The following SNX29 variants were observed in gnomAD, a reference collection of about 807,000 sequenced individuals.
SNX29 encodes sorting nexin 29.
SNX29 carries 78 observed loss-of-function variants against 102.1 expected under a neutral mutation model. That is an observed-to-expected ratio of 0.76 (90% CI 0.64 to 0.92). The LOEUF (loss-of-function observed/expected upper bound fraction) is 0.92. Among genes scored for constraint, SNX29 ranks in the 40% least tolerant of loss-of-function variants. SNX29 has a pLI of 0.00. For synonymous variants in SNX29, 580 were observed against 414.5 expected, an observed-to-expected ratio of 1.40 and a Z score of -4.85; for missense variants, 1,280 against 1,061.7, an observed-to-expected ratio of 1.21 and a Z score of -2.86.
intron 13 of SNX29, among the ~76,000 whole-genome samples, chr16:12,144,929 G>A (rs1452702639): frequency 2.0e-5 from 3 of 152,184 alleles, no homozygotes; most frequent in Non-Finnish European, 2.9e-5. Context: ...CACCGGGTTA[G>A]CCAGGATGGT....
intron 15 of SNX29, among the ~76,000 whole-genome samples, chr16:12,284,759 C>A (rs1330036492): frequency 1.3e-5 from 2 of 149,524 alleles, no homozygotes; most frequent in African/African-American, 4.9e-5. Context: ...GAGTCTCATT[C>A]TGTCACCCAG....
chr16:12,278,117 T>A, intron 15 of SNX29, 81 bp downstream of exon 15: 1 of 1,258,470 alleles, frequency 7.9e-7, no homozygotes, highest in Non-Finnish European at 1.1e-6. Flanking sequence ...CAGCCTATTC[T>A]AAAGACACGT....
rs140902564 is a variant in SNX29, at chr16:12,392,734, A to T, written c.1900-5712A>T. The stretch of plus-strand genomic sequence containing the variant: ...CTCCTAGCAAAGAATCCTTGACCTC[A>T]GCTGTTTTTAAAAACCACAGAGAAC... On this transcript the variant is annotated intron_variant, in intron 16 of 20. Coordinates refer to ENST00000566228, the MANE Select transcript of SNX29 (RefSeq NM_032167.5). Among the ~76,000 whole-genome samples the T allele has an allele frequency of 5.3e-3, 812 of 152,338 alleles. 11 individuals are homozygous for T. Among genetic ancestry groups the T allele is most frequent in the African/African-American group, 0.019 (771 of 41,578 alleles).
At chr16:12,316,083 A>T (rs2080724064) in intron 15 of SNX29, among the ~76,000 whole-genome samples, 2 of 152,140 alleles carry the variant, frequency 1.3e-5, no homozygotes, top group South Asian at 4.1e-4. Context: ...TGGGGAAGGG[A>T]GATGTTGCTT....
chr16:12,141,912 C>T (rs973091486), intron 13 of SNX29, among the ~76,000 whole-genome samples: 3 of 152,170 alleles, frequency 2.0e-5, no homozygotes, highest in East Asian at 1.9e-4. Flanking sequence ...TGCTTCACTT[C>T]CTGGGAATGC....
intron 9 of SNX29, among the ~76,000 whole-genome samples, chr16:12,065,011 A>T (rs999628051): frequency 3.9e-5 from 6 of 152,220 alleles, no homozygotes; most frequent in Non-Finnish European, 8.8e-5. Context: ...TAGTTAGAGA[A>T]GGCAAAGGCA....
At chr16:12,568,081 C>T (rs1333560749) in intron 20 of SNX29, among the ~76,000 whole-genome samples, 1 of 152,200 alleles carries the variant, frequency 6.6e-6, no homozygotes, top group African/African-American at 2.4e-5. Context: ...CACAGGAAGT[C>T]CGTCTCCTGT....
intron 15 of SNX29, among the ~76,000 whole-genome samples, chr16:12,335,088 C>G (rs916692036): frequency 6.6e-6 from 1 of 151,992 alleles, no homozygotes; most frequent in Non-Finnish European, 1.5e-5. Context: ...ATGACATCAT[C>G]TGCAGCAGGG....
At chr16:12,338,023 C>T (rs289670) in intron 15 of SNX29, among the ~76,000 whole-genome samples, 6 of 152,012 alleles carry the variant, frequency 3.9e-5, no homozygotes, top group African/African-American at 9.7e-5. Flanking sequence ...CCAGAGGAGC[C>T]GAGGAAGCAC....
intron 13 of SNX29, among the ~76,000 whole-genome samples, chr16:12,176,703 G>A (rs774371146): frequency 3.2e-4 from 48 of 152,302 alleles, no homozygotes; most frequent in Admixed American, 6.5e-4. Flanking sequence ...GGTATGTGAG[G>A]TGGGTCCTGG....
At chr16:12,326,893 C>T (rs2081137242) in intron 15 of SNX29, among the ~76,000 whole-genome samples, 1 of 152,156 alleles carries the variant, frequency 6.6e-6, no homozygotes, top group South Asian at 2.1e-4. Flanking sequence ...CTTTTTATTA[C>T]TGTGGGCCAA....
At chr16:12,530,974 G>C (rs930420406) in intron 20 of SNX29, among the ~76,000 whole-genome samples, 7 of 152,210 alleles carry the variant, frequency 4.6e-5, no homozygotes, top group African/African-American at 1.7e-4. Flanking sequence ...GAGGTTTCCA[G>C]ATTTTTCTCC....
chr16:12,484,895 G>C (rs963662595), intron 19 of SNX29, among the ~76,000 whole-genome samples: 2 of 152,184 alleles, frequency 1.3e-5, no homozygotes, highest in African/African-American at 4.8e-5. Context: ...CTCTGCACCA[G>C]CATGGAAGCT....
chr16:12,561,783 C>T (rs2078739013), intron 20 of SNX29, among the ~76,000 whole-genome samples: 1 of 152,128 alleles, frequency 6.6e-6, no homozygotes, highest in Admixed American at 6.5e-5. Context: ...ATGTCAGGAC[C>T]ACGCGTGGCC....
chr16:12,450,027 C>T (rs2086235445), intron 18 of SNX29, among the ~76,000 whole-genome samples: 2 of 152,150 alleles, frequency 1.3e-5, no homozygotes, highest in African/African-American at 4.8e-5. Flanking sequence ...GAGTAATTCT[C>T]AGGAGAGCTG....
chr16:12,508,741 C>T (rs971242613), intron 19 of SNX29, among the ~76,000 whole-genome samples: 1 of 152,070 alleles, frequency 6.6e-6, no homozygotes, highest in Admixed American at 6.5e-5. Context: ...CTTTTATCTC[C>T]ACCAGCTCCA....
chr16:12,213,300 A>G (rs1308526648), intron 14 of SNX29, among the ~76,000 whole-genome samples: 2 of 152,146 alleles, frequency 1.3e-5, no homozygotes, highest in Admixed American at 6.5e-5. Flanking sequence ...GGGCATATAG[A>G]GAAACATAAG....
At chr16:12,561,993 A>G (rs1314932188) in intron 20 of SNX29, among the ~76,000 whole-genome samples, 2 of 152,094 alleles carry the variant, frequency 1.3e-5, no homozygotes, top group Non-Finnish European at 2.9e-5. Context: ...CTTGGTGACA[A>G]TGGACCCTGC....
chr16:12,116,921 C>T (rs1019135502), intron 11 of SNX29, among the ~76,000 whole-genome samples: 24 of 152,220 alleles, frequency 1.6e-4, no homozygotes, highest in East Asian at 5.8e-4. Context: ...ACGGTCAATA[C>T]GTGCTTCAAC....
Sources: gnomAD v4.1 joint callset for allele counts (sites outside exome capture counted in the v4.1 genomes callset) on GRCh38, gnomAD v4.1.1 for gene constraint, MANE v1.5 for transcripts, NCBI Gene and HGNC (gene_info 2026-07-23, HGNC 2026-07-21) for gene names.